Variants in LRP1B observed in about 807,000 individuals in gnomAD.
The protein encoded by LRP1B is LDL receptor related protein 1B.
LRP1B carries 217 observed loss-of-function variants against 556.6 expected under a neutral mutation model. That is an observed-to-expected ratio of 0.39 (90% confidence interval 0.35 to 0.44). LRP1B has a LOEUF of 0.44. Ranked by LOEUF, LRP1B falls within the 20% of genes least tolerant of loss-of-function variation. LRP1B has a pLI of 1.00. For missense variants in LRP1B, 5,053 were observed against 5,620.8 expected (o/e 0.90, Z 3.23); for synonymous variants, 2,047 against 1,865.8 (o/e 1.10, Z -2.50).
At chr2:141,744,770 G>A (rs1693851931) in intron 2 of LRP1B, among the ~76,000 whole-genome samples, 1 of 152,106 alleles carries the variant, frequency 6.6e-6, no homozygotes, top group Admixed American at 6.6e-5. Context: ...TTGTTGTTTG[G>A]GCATTGAAGA....
intron 1 of LRP1B, among the ~76,000 whole-genome samples, chr2:142,092,601 T>C (rs68139760): frequency 0.43 from 65,684 of 151,836 alleles, 16,066 homozygotes; most frequent in East Asian, 0.69. Flanking sequence ...CTGATCCATT[T>C]GAGAGTTGGG....
chr2:141,474,041 TTCCTTTCCTTCCTTCCTCCC>T (rs1682601998), intron 3 of LRP1B, among the ~76,000 whole-genome samples: 1 of 120,880 alleles, frequency 8.3e-6, no homozygotes, highest in African/African-American at 3.7e-5. Flanking sequence ...CCTTCCTTCC[TTCCTTTCCTTCCTTCCTCCC>T]TCCCTCCCTT....
intron 32 of LRP1B, among the ~76,000 whole-genome samples, chr2:140,797,735 A>AT (rs1690367580): frequency 6.6e-6 from 1 of 152,136 alleles, no homozygotes; most frequent in African/African-American, 2.4e-5. Context: ...AACATAAGCT[A>AT]TTTTTTAACT....
chr2:141,203,858 G>T (rs1682150682), intron 6 of LRP1B, among the ~76,000 whole-genome samples: 2 of 152,106 alleles, frequency 1.3e-5, no homozygotes, highest in East Asian at 3.8e-4. Flanking sequence ...AATCAAATTA[G>T]AACTCAGCAT....
intron 2 of LRP1B, among the ~76,000 whole-genome samples, chr2:141,516,067 G>T (rs1684303313): frequency 6.6e-6 from 1 of 151,936 alleles, no homozygotes; most frequent in Non-Finnish European, 1.5e-5. Flanking sequence ...TATTTTTTTT[G>T]GAGTAATGTG....
intron 10 of LRP1B, among the ~76,000 whole-genome samples, chr2:141,053,262 G>C (rs2380924): frequency 0.1 from 15,824 of 151,952 alleles, 1,098 homozygotes; most frequent in South Asian, 0.16. Context: ...TGGAAGTGAG[G>C]CAAAGGTCCC....
At chr2:140,724,598 C>T (rs527936768) in intron 35 of LRP1B, among the ~76,000 whole-genome samples, 8 of 152,206 alleles carry the variant, frequency 5.3e-5, no homozygotes, top group Admixed American at 2.0e-4. Flanking sequence ...TTGGGTTCTA[C>T]AGGATGTAGC....
chr2:140,314,036 C>T (rs1269491351), intron 83 of LRP1B, among the ~76,000 whole-genome samples: 1 of 151,880 alleles, frequency 6.6e-6, no homozygotes, highest in Non-Finnish European at 1.5e-5. Flanking sequence ...ATAATTCTTT[C>T]AGTTAGCACT....
At chr2:140,527,968 C>T (rs561691528) in intron 47 of LRP1B, among the ~76,000 whole-genome samples, 9 of 151,932 alleles carry the variant, frequency 5.9e-5, no homozygotes, top group East Asian at 5.8e-4. Flanking sequence ...TATAATTGTT[C>T]ATCTCATAAT....
intron 84 of LRP1B, among the ~76,000 whole-genome samples, chr2:140,290,532 G>C (rs1342456424): frequency 6.6e-6 from 1 of 152,004 alleles, no homozygotes; most frequent in African/African-American, 2.4e-5. Flanking sequence ...ACTGAGGAAG[G>C]GGTTGGTTCT....
At chr2:140,905,017 T>G (rs1694208558) in intron 22 of LRP1B, among the ~76,000 whole-genome samples, 1 of 152,150 alleles carries the variant, frequency 6.6e-6, no homozygotes, top group African/African-American at 2.4e-5. Context: ...TTTGCATGAT[T>G]AGAACCTGTT....
chr2:140,716,053 T>A lies in LRP1B; in HGVS notation c.5943A>T (p.Arg1981Ser), dbSNP rs2105461707. 6.2e-7 allele frequency: 1 copy of A among 1,608,044 alleles called. No homozygotes were observed. Among genetic ancestry groups the A allele is most frequent in the Non-Finnish European group, 8.5e-7 (1 of 1,175,194 alleles). ...DHGFNLIEVA[R>S]LNGSFRYVII... ...TTACATAACGGAAAGAACCATTGAGTCTTGCAACTTCAATTAAGTTGAAAC... is the reference window on the plus strand; with the variant it reads ...TTACATAACGGAAAGAACCATTGAGACTTGCAACTTCAATTAAGTTGAAAC... Residue 1981 changes from arginine (R) to serine (S), a missense_variant, in exon 37 of 91, where the codon AGA (arginine) becomes AGT (serine). This residue lies in a region of LRP1B where 3,619 missense variants were observed against 3,931.9 expected (regional missense o/e 0.92). Coordinates refer to ENST00000389484, the MANE Select transcript of LRP1B (RefSeq NM_018557.3).
intron 58 of LRP1B, among the ~76,000 whole-genome samples, chr2:140,486,678 T>A (rs1688486609): frequency 6.6e-6 from 1 of 151,908 alleles, no homozygotes; most frequent in Admixed American, 6.6e-5. Flanking sequence ...TCACAGTTTT[T>A]AAACTAATTG....
chr2:141,392,424 T>A (rs1392282146), intron 3 of LRP1B, among the ~76,000 whole-genome samples: 1 of 135,328 alleles, frequency 7.4e-6, no homozygotes, highest in African/African-American at 2.7e-5. Flanking sequence ...TTGCAAGTCC[T>A]GCCAGTATGT....
rs570385058 is a variant in LRP1B, at chr2:141,282,211, A to G, written c.344-27570T>C. ...AGACTAAAGGGCAAAGTGTATATAA[A>G]GCACGTAATATAATTCTTGGGACAT... On this transcript the variant is annotated intron_variant, in intron 3 of 90. Transcript: ENST00000389484. Among the ~76,000 whole-genome samples the G allele has an allele frequency of 4.6e-5, 7 of 152,142 alleles. No individual in the cohort carries two copies. The South Asian group carries it at 1.4e-3, about 32-fold the overall frequency.
chr2:141,699,606 C>T (rs1258553668), intron 2 of LRP1B, among the ~76,000 whole-genome samples: 1 of 151,440 alleles, frequency 6.6e-6, no homozygotes, highest in Non-Finnish European at 1.5e-5. Context: ...AACCCTGGAT[C>T]ACCTCTCCGG....
chr2:142,080,433 A>G (rs1466462461), intron 1 of LRP1B, among the ~76,000 whole-genome samples: 2 of 152,076 alleles, frequency 1.3e-5, no homozygotes, highest in African/African-American at 4.8e-5. Context: ...TTTTAAAGGG[A>G]TTTTTATTCA....
At chr2:141,473,699 G>A (rs567689955) in intron 3 of LRP1B, among the ~76,000 whole-genome samples, 2 of 152,192 alleles carry the variant, frequency 1.3e-5, no homozygotes, top group South Asian at 2.1e-4. Flanking sequence ...CCACTTCTTT[G>A]TTTCTTAGCT....
chr2:141,755,513 T>C (rs1694285050), intron 2 of LRP1B, among the ~76,000 whole-genome samples: 1 of 152,100 alleles, frequency 6.6e-6, no homozygotes, highest in South Asian at 2.1e-4. Flanking sequence ...TTAATATTAC[T>C]ACTCAGTCTT....
Sources: gnomAD v4.1 joint callset for allele counts (sites outside exome capture counted in the v4.1 genomes callset) on GRCh38, gnomAD v4.1.1 for gene constraint, gnomAD v4.1.1 regional missense constraint, MANE v1.5 for transcripts, NCBI Gene and HGNC (gene_info 2026-07-23, HGNC 2026-07-21) for gene names.